Variants in NOTCH2 observed in about 807,000 individuals in gnomAD.
The protein encoded by NOTCH2 is neurogenic locus notch homolog protein 2.
In NOTCH2, 29 loss-of-function variants were observed where a neutral mutation model predicts 235.8. The observed-to-expected ratio is 0.12, with a 90% CI of 0.09 to 0.17. The LOEUF is 0.17. Among genes scored for constraint, NOTCH2 ranks in the 10% least tolerant of loss-of-function variants. NOTCH2 has a pLI of 1.00. For synonymous variants in NOTCH2, 1,086 were observed against 1,141.5 expected (o/e 0.95, Z 0.98); for missense variants, 2,285 against 3,150.2 (o/e 0.73, Z 6.57).
At chr1:119,967,738 C>T in intron 7 of NOTCH2, 117 bp from the exon 8 acceptor site, 7 of 883,746 alleles carry the variant, frequency 7.9e-6, no homozygotes, top group Middle Eastern at 2.2e-4. Context: ...TAATATCATT[C>T]CCAATTTTCT....
intron 5 of NOTCH2, among the ~76,000 whole-genome samples, chr1:119,979,007 T>C (rs1313338427): frequency 6.6e-6 from 1 of 152,186 alleles, no homozygotes; most frequent in Non-Finnish European, 1.5e-5. Flanking sequence ...CAGGAGCTAA[T>C]ACATTTTAGA....
chr1:119,967,589 A>ATT lies in NOTCH2; in HGVS notation c.1295_1296dup (p.Cys433AsnfsTer3). ...TGGAAGGCGCCATCCGTGTTCACACATTTTCCTGCATGCTCACAAGGATTG... is the reference window on the plus strand; with the variant it reads ...TGGAAGGCGCCATCCGTGTTCACACATTTTTTCCTGCATGCTCACAAGGATTG... On this transcript the variant is annotated frameshift_variant, in exon 8 of 34. Transcript: ENST00000256646. LOFTEE classifies it high-confidence loss of function. The ATT allele has an allele frequency of 6.2e-7, 1 of 1,614,094 alleles. No homozygotes were observed. The highest frequency in any genetic ancestry group is 8.5e-7 in the Non-Finnish European group (1 of 1,179,968).
At chr1:119,926,357 C>A in intron 24 of NOTCH2, 142 bp downstream of exon 24, 1 of 756,798 alleles carries the variant, frequency 1.3e-6, no homozygotes. Flanking sequence ...ATGGAAAAAC[C>A]CAAGCACTTT....
At chr1:120,017,445 A>G (rs1427578904) in intron 2 of NOTCH2, among the ~76,000 whole-genome samples, 2 of 152,124 alleles carry the variant, frequency 1.3e-5, no homozygotes, top group African/African-American at 2.4e-5. Context: ...ACAGACTAAA[A>G]TTATTAATTC....
intron 4 of NOTCH2, chr1:119,994,527 T>TAC (rs1275320562): frequency 2.0e-4 from 20 of 101,556 alleles, no homozygotes; most frequent in African/African-American, 8.1e-4. Context: ...GCCATATATA[T>TAC]ATACACACAC....
intron 22 of NOTCH2, among the ~76,000 whole-genome samples, chr1:119,929,691 T>C (rs1649589704): frequency 6.6e-6 from 1 of 152,260 alleles, no homozygotes; most frequent in Non-Finnish European, 1.5e-5. Flanking sequence ...CAAATTCCTG[T>C]TGCCTAGTAA....
At chr1:119,917,558 T>C in intron 33 of NOTCH2, 107 bp downstream of exon 33, 15 of 828,584 alleles carry the variant, frequency 1.8e-5, no homozygotes, top group South Asian at 1.6e-4. Flanking sequence ...ACTGCTTCCA[T>C]CTTTGTCTAT....
chr1:120,002,463 G>A (rs1652798645), intron 3 of NOTCH2, among the ~76,000 whole-genome samples: 1 of 151,846 alleles, frequency 6.6e-6, no homozygotes, highest in Non-Finnish European at 1.5e-5. Context: ...AACTACAACA[G>A]CCCAATCCAG....
chr1:120,039,201 T>A (rs2444927), intron 1 of NOTCH2, among the ~76,000 whole-genome samples: 1,476 of 152,124 alleles, frequency 9.7e-3, no homozygotes, highest in African/African-American at 0.033. Flanking sequence ...CTGTATCATA[T>A]CTAGAAATTT....
Position 119,922,462 on chromosome 1 carries a change from G to A in NOTCH2, c.5003-16C>T, listed in dbSNP as rs762603409. ...AGGGATTCACCTGAAAGTCCACAGA[G>A]ACAGGGAAAGTGCTGAATAAAACAT... On this transcript the variant is annotated splice_polypyrimidine_tract_variant and intron_variant, in intron 27 of 33. Transcript: ENST00000256646. 17 of 1,606,108 alleles carry A rather than the reference G, an allele frequency of 1.1e-5. No homozygotes were observed. The highest frequency in any genetic ancestry group is 7.7e-6 in the Non-Finnish European group (9 of 1,175,566).
At chr1:119,954,469 T>A (rs1405547916) in intron 13 of NOTCH2, among the ~76,000 whole-genome samples, 1 of 152,222 alleles carries the variant, frequency 6.6e-6, no homozygotes, top group African/African-American at 2.4e-5. Context: ...CAAAGCCATA[T>A]CCTATGGCAA....
intron 2 of NOTCH2, among the ~76,000 whole-genome samples, chr1:120,015,008 TTA>T (rs1491427449): frequency 6.8e-5 from 10 of 147,490 alleles, no homozygotes; most frequent in South Asian, 2.1e-4. Context: ...TTTTTTTTTT[TTA>T]AAAACGAGGA....
At chr1:120,008,769 T>C (rs1219108509) in intron 2 of NOTCH2, among the ~76,000 whole-genome samples, 3 of 152,240 alleles carry the variant, frequency 2.0e-5, no homozygotes, top group Non-Finnish European at 2.9e-5. Flanking sequence ...TAATCATTCA[T>C]TCACACAACA....
At chr1:119,950,592 C>G (rs1553197643) in intron 15 of NOTCH2, 132 bp downstream of exon 15, 1 of 736,448 alleles carries the variant, frequency 1.4e-6, no homozygotes, top group Non-Finnish European at 2.5e-6. Flanking sequence ...TCAGTAAAGG[C>G]AGGAAGGACA....
chr1:119,932,358 CG>C (rs1410976200), intron 22 of NOTCH2, among the ~76,000 whole-genome samples: 3 of 152,016 alleles, frequency 2.0e-5, no homozygotes, highest in Admixed American at 2.0e-4. Flanking sequence ...GAGGCTGAGG[CG>C]GGTGGATTGC....
chr1:119,932,608 TATC>T (rs879969999), intron 22 of NOTCH2, among the ~76,000 whole-genome samples: 2 of 32,098 alleles, frequency 6.2e-5, no homozygotes, highest in Admixed American at 5.5e-4. Context: ...AACAAACAAA[TATC>T]TATCTATCTA....
chr1:119,917,896 C>A, intron 32 of NOTCH2, 134 bp from the exon 33 acceptor site: 1 of 698,106 alleles, frequency 1.4e-6, no homozygotes, highest in East Asian at 2.6e-5. Context: ...ATAGGAAAAA[C>A]CAAAGTAATC....
intron 1 of NOTCH2, among the ~76,000 whole-genome samples, chr1:120,053,785 T>C (rs587670735): frequency 7.5e-5 from 9 of 119,350 alleles, no homozygotes; most frequent in Admixed American, 7.3e-4. Context: ...AGTAATGAAC[T>C]TTAAAGTTCA....
intron 5 of NOTCH2, among the ~76,000 whole-genome samples, chr1:119,978,457 C>G (rs1570710453): frequency 1.3e-5 from 2 of 152,162 alleles, no homozygotes; most frequent in African/African-American, 4.8e-5. Flanking sequence ...TGAACTCCAC[C>G]TCACCCCTCC....
Sources: gnomAD v4.1 joint callset for allele counts (sites outside exome capture counted in the v4.1 genomes callset) on GRCh38, gnomAD v4.1.1 for gene constraint, MANE v1.5 for transcripts, NCBI Gene and HGNC (gene_info 2026-07-23, HGNC 2026-07-21) for gene names.